AKAP7: variants seen among roughly 807,000 people sequenced by gnomAD.
AKAP7 encodes the protein A-kinase anchoring protein 7.
In AKAP7, 39 loss-of-function variants were observed where a neutral mutation model predicts 39.5. The ratio of observed to expected loss-of-function variants is 0.99; its 90% CI spans 0.76 to 1.29. The LOEUF (loss-of-function observed/expected upper bound fraction) is 1.29. Ranked by LOEUF, AKAP7 falls within the 50% of genes most tolerant of loss-of-function variation. AKAP7 has a pLI of 0.00. For missense variants in AKAP7, 414 were observed against 407.7 expected (o/e 1.02, Z -0.13); for synonymous variants, 140 against 139.1 (o/e 1.01, Z -0.05).
intron 7 of AKAP7, among the ~76,000 whole-genome samples, chr6:131,231,309 TTATGTAATACAGGAATGTC>T (rs1332578359): frequency 1.3e-5 from 2 of 152,132 alleles, no homozygotes; most frequent in Non-Finnish European, 2.9e-5. Context: ...GAAATAGATA[TTATGTAATACAGGAATGTC>T]TCTTGTATGA....
intron 7 of AKAP7, among the ~76,000 whole-genome samples, chr6:131,265,091 ATTGCTATACTATAG>A (rs1336814302): frequency 1.3e-5 from 2 of 152,156 alleles, no homozygotes; most frequent in Non-Finnish European, 2.9e-5. Flanking sequence ...CATTTTATTG[ATTGCTATACTATAG>A]GCCAATCATG....
intron 2 of AKAP7, among the ~76,000 whole-genome samples, 187 bp from the exon 3 acceptor site, chr6:131,159,872 C>G (rs1802786063): frequency 6.6e-6 from 1 of 152,194 alleles, no homozygotes; most frequent in African/African-American, 2.4e-5. Flanking sequence ...ACGGCAGAGA[C>G]TATGTCATCT....
At chr6:131,172,944 C>T (rs930149153) in intron 5 of AKAP7, among the ~76,000 whole-genome samples, 16 of 152,076 alleles carry the variant, frequency 1.1e-4, no homozygotes, top group East Asian at 1.9e-4. Flanking sequence ...TGCCAGTAAT[C>T]CCAGCACTTT....
intron 5 of AKAP7, among the ~76,000 whole-genome samples, chr6:131,198,115 G>A (rs1006947034): frequency 3.9e-5 from 6 of 152,130 alleles, no homozygotes; most frequent in East Asian, 3.9e-4. Flanking sequence ...CCTGGACCCC[G>A]GACATGTTCC....
chr6:131,207,491 A>AGTTTTTTTTTTTTTTTT (rs1808223874), intron 6 of AKAP7, among the ~76,000 whole-genome samples: 1 of 78,806 alleles, frequency 1.3e-5, no homozygotes, highest in Non-Finnish European at 2.6e-5. Flanking sequence ...GCTAATTAAA[A>AGTTTTTTTTTTTTTTTT]TTTTTTTTTT....
intron 7 of AKAP7, among the ~76,000 whole-genome samples, chr6:131,260,536 C>T (rs1204275429): frequency 1.3e-5 from 2 of 152,100 alleles, no homozygotes; most frequent in Non-Finnish European, 2.9e-5. Context: ...TTTTGATTTG[C>T]GTTTCTCTAA....
chr6:131,240,284 G>T (rs986651853), intron 7 of AKAP7, among the ~76,000 whole-genome samples: 4 of 152,232 alleles, frequency 2.6e-5, no homozygotes, highest in Non-Finnish European at 4.4e-5. Context: ...TCTCAGAGGA[G>T]TACCCGGCCG....
intron 7 of AKAP7, among the ~76,000 whole-genome samples, chr6:131,254,026 T>C (rs1234779153): frequency 2.6e-5 from 4 of 152,226 alleles, no homozygotes; most frequent in Non-Finnish European, 1.5e-5. Flanking sequence ...GCCAGTGGGC[T>C]GAATAGTCAA....
intron 5 of AKAP7, among the ~76,000 whole-genome samples, chr6:131,183,866 T>C (rs1345919265): frequency 6.6e-6 from 1 of 152,078 alleles, no homozygotes; most frequent in Non-Finnish European, 1.5e-5. Context: ...CTTGTGGCTG[T>C]GGCCTCAGCT....
chr6:131,199,752 AT>A, intron 6 of AKAP7, among the ~76,000 whole-genome samples, 179 bp downstream of exon 6: 1 of 152,068 alleles, frequency 6.6e-6, no homozygotes, highest in South Asian at 2.1e-4. Context: ...CATGGAGGCT[AT>A]TTCAGCTTTG....
At chr6:131,143,745 T>TTTA (rs1554379519) in intron 1 of AKAP7, among the ~76,000 whole-genome samples, 4 of 143,494 alleles carry the variant, frequency 2.8e-5, no homozygotes, top group African/African-American at 1.1e-4. Context: ...ATTCTTTTTT[T>TTTA]TTTTTTATTT....
chr6:131,156,941 AT>A (rs1215692318), intron 2 of AKAP7, among the ~76,000 whole-genome samples: 2 of 151,510 alleles, frequency 1.3e-5, no homozygotes, highest in Non-Finnish European at 2.9e-5. Flanking sequence ...CGCCTGGCTA[AT>A]TTTTTTGTAT....
chr6:131,145,266 T>C lies in AKAP7; in HGVS notation c.20-19T>C. ...ACAAGTTAAATAATCCTTTTTTTTC[T>C]GTTTGTGATATGTTAAAGGAGGAAT... On this transcript the variant is annotated intron_variant, in intron 1 of 7. Transcript: ENST00000431975. 6.5e-6 allele frequency: 9 copies of C among 1,374,308 alleles called. No homozygotes were observed. The highest frequency in any genetic ancestry group is 6.8e-6 in the Non-Finnish European group (7 of 1,036,012). The allele number at this position is 1,374,308 out of a possible 1,614,324, so 85.1% of individuals were successfully genotyped here.
At chr6:131,137,083 T>C (rs1160294130) in intron 1 of AKAP7, among the ~76,000 whole-genome samples, 1 of 151,992 alleles carries the variant, frequency 6.6e-6, no homozygotes, top group African/African-American at 2.4e-5. Flanking sequence ...TGTTTCAGCC[T>C]CCCCAAGTAG....
intron 7 of AKAP7, among the ~76,000 whole-genome samples, chr6:131,226,632 G>A (rs1366994452): frequency 6.6e-6 from 1 of 152,170 alleles, no homozygotes; most frequent in Admixed American, 6.5e-5. Flanking sequence ...TTTCCCTTGG[G>A]AATGTAAATG....
At chr6:131,200,995 AT>A (rs1807506244) in intron 6 of AKAP7, 1 of 152,226 alleles carries the variant, frequency 6.6e-6, no homozygotes, top group Admixed American at 6.5e-5. Flanking sequence ...ATTTAAAAAA[AT>A]GCTTAAACTA....
chr6:131,135,678 G>C lies in AKAP7; in HGVS notation c.-86G>C. 9.1e-7 allele frequency: 1 copy of C among 1,093,518 alleles called. No homozygotes were observed. The highest frequency in any genetic ancestry group is 1.1e-6 in the Non-Finnish European group (1 of 899,352). 67.7% of individuals were successfully genotyped at this position (1,093,518 alleles called of 1,614,324 possible). Reference sequence around the variant, plus strand: ...GGCCCCGAGCCCCGCCCTGGCCTCCGCCTCGGCCTCGCCTCCAGCCCCGGG... The same window carrying C: ...GGCCCCGAGCCCCGCCCTGGCCTCCCCCTCGGCCTCGCCTCCAGCCCCGGG... On this transcript the variant is annotated 5_prime_UTR_variant, in exon 1 of 8. Coordinates refer to ENST00000431975, the MANE Select transcript of AKAP7 (RefSeq NM_016377.4).
intron 5 of AKAP7, among the ~76,000 whole-genome samples, chr6:131,179,780 G>A (rs1804952945): frequency 6.6e-6 from 1 of 152,008 alleles, no homozygotes; most frequent in Non-Finnish European, 1.5e-5. Context: ...GAGGTGGAAG[G>A]ATTGCTTGAG....
chr6:131,181,506 A>T (rs73633663), intron 5 of AKAP7, among the ~76,000 whole-genome samples: 6,082 of 152,256 alleles, frequency 0.04, 397 homozygotes, highest in African/African-American at 0.13. Context: ...CTTTGCTTCC[A>T]GACTCTTTTT....
Sources: allele counts gnomAD v4.1 joint callset (sites outside exome capture counted in the v4.1 genomes callset), GRCh38; gene constraint gnomAD v4.1.1; transcripts MANE v1.5; gene names NCBI Gene and HGNC (gene_info 2026-07-23, HGNC 2026-07-21).